Variants in COL26A1 observed in about 807,000 individuals in gnomAD.
The protein encoded by COL26A1 is collagen type XXVI alpha 1 chain, also known as collagen alpha-1(XXVI) chain.
Under a neutral mutation model 59.3 loss-of-function variants are expected in COL26A1, and 41 were observed. The ratio of observed to expected loss-of-function variants is 0.69; its 90% CI spans 0.54 to 0.90. The LOEUF (loss-of-function observed/expected upper bound fraction) is 0.90. COL26A1 is among the 40% of genes least tolerant of loss of function. COL26A1 has a pLI of 0.00. For synonymous variants in COL26A1, 266 were observed against 256.0 expected, an observed-to-expected ratio of 1.04 and a Z score of -0.37; for missense variants, 612 against 602.3, an observed-to-expected ratio of 1.02 and a Z score of -0.17.
At chr7:101,405,643 A>G (rs1484873219) in intron 1 of COL26A1, among the ~76,000 whole-genome samples, 2 of 152,104 alleles carry the variant, frequency 1.3e-5, no homozygotes, top group Non-Finnish European at 2.9e-5. Flanking sequence ...GTCCTCCCTC[A>G]CATGATCCTC....
intron 3 of COL26A1, among the ~76,000 whole-genome samples, chr7:101,467,316 G>A (rs1274143931): frequency 6.9e-6 from 1 of 144,664 alleles, no homozygotes; most frequent in Non-Finnish European, 1.6e-5. Flanking sequence ...AGATAGAGAG[G>A]GGCTGCCGAG....
intron 8 of COL26A1, among the ~76,000 whole-genome samples, chr7:101,547,953 C>T (rs1215758174): frequency 6.6e-6 from 1 of 152,194 alleles, no homozygotes; most frequent in African/African-American, 2.4e-5. Flanking sequence ...CAAACATCAT[C>T]GAGAAACTCT....
intron 1 of COL26A1, among the ~76,000 whole-genome samples, chr7:101,416,968 C>T (rs1171639831): frequency 6.6e-6 from 1 of 151,326 alleles, no homozygotes; most frequent in Non-Finnish European, 1.5e-5. Flanking sequence ...GTCTAAACTC[C>T]TGGGGTCAAG....
chr7:101,388,732 T>A (rs550233655), intron 1 of COL26A1: 2 of 152,144 alleles, frequency 1.3e-5, no homozygotes, highest in South Asian at 2.1e-4. Flanking sequence ...CCGGCTAAGT[T>A]TTTTTTTGTA....
At chr7:101,378,915 G>A (rs1192430207) in intron 1 of COL26A1, among the ~76,000 whole-genome samples, 1 of 151,996 alleles carries the variant, frequency 6.6e-6, no homozygotes, top group African/African-American at 2.4e-5. Context: ...GTTGCAGGAT[G>A]TCTGCGGCTG....
chr7:101,555,720 T>C lies in COL26A1; in HGVS notation c.1081-67T>C, dbSNP rs1256182091. On this transcript the variant is annotated intron_variant, in intron 11 of 12. Coordinates refer to ENST00000313669, the MANE Select transcript of COL26A1 (RefSeq NM_001278563.3). ...GCTTTGAGGACACATACACTGTCAC[T>C]GTATCAGGATGGCCCTGACCCCTTC... 1.0e-5 allele frequency: 12 copies of C among 1,199,084 alleles called. No individual in the cohort carries two copies. In the East Asian group the frequency reaches 2.8e-4, roughly 28 times the overall value. The allele number at this position is 1,199,084 out of a possible 1,614,324, so 74.3% of individuals were successfully genotyped here.
intron 3 of COL26A1, among the ~76,000 whole-genome samples, chr7:101,479,337 G>A (rs1013975229): frequency 9.2e-5 from 14 of 152,128 alleles, no homozygotes; most frequent in Admixed American, 8.5e-4. Flanking sequence ...GCCTCTTTCA[G>A]TTTTGTTTGT....
rs372718328 is a variant in COL26A1, at chr7:101,394,904, C to T, written c.159-25073C>T. 2.3e-4 allele frequency among the ~76,000 whole-genome samples: 30 copies of T among 128,960 alleles called. No individual in the cohort carries two copies. In the East Asian group the frequency reaches 6.6e-3, roughly 29 times the overall value. The allele number at this position is 128,960 out of a possible 152,430, so 84.6% of individuals were successfully genotyped here. A position where few individuals can be genotyped will look rare whatever the true frequency, so the allele number is the denominator to read the frequency against. On this transcript the variant is annotated intron_variant, in intron 1 of 12. Coordinates refer to ENST00000313669, the MANE Select transcript of COL26A1 (RefSeq NM_001278563.3). ...TTTTTTTTTTTTTGAGACAGAGTCT[C>T]GTGCTGTCACCTAGGCTAAGGTGCA...
intron 3 of COL26A1, among the ~76,000 whole-genome samples, chr7:101,494,680 T>G (rs1364894890): frequency 6.6e-6 from 1 of 152,152 alleles, no homozygotes; most frequent in Non-Finnish European, 1.5e-5. Context: ...TCATGCAGGT[T>G]TGGTGAATGG....
intron 12 of COL26A1, 48 bp from the exon 13 acceptor site, chr7:101,557,322 G>C (rs762193168): frequency 6.4e-7 from 1 of 1,560,400 alleles, no homozygotes. Context: ...GTACCCCCAA[G>C]TGTTCCTAAG....
chr7:101,501,178 T>C (rs1584466876), intron 3 of COL26A1, among the ~76,000 whole-genome samples: 1 of 99,158 alleles, frequency 1.0e-5, no homozygotes, highest in African/African-American at 4.5e-5. Context: ...AGGGCGAGAC[T>C]CCGTCTCAAA....
At chr7:101,541,290 A>C (rs1210907171) in intron 5 of COL26A1, among the ~76,000 whole-genome samples, 1 of 152,160 alleles carries the variant, frequency 6.6e-6, no homozygotes, top group Non-Finnish European at 1.5e-5. Flanking sequence ...CTCTGGCTGG[A>C]ATTGGAGGAC....
At chr7:101,464,958 C>T (rs912653534) in intron 3 of COL26A1, among the ~76,000 whole-genome samples, 1 of 151,782 alleles carries the variant, frequency 6.6e-6, no homozygotes, top group Non-Finnish European at 1.5e-5. Flanking sequence ...GTGATCCTCC[C>T]ACCTCAGCCT....
intron 3 of COL26A1, among the ~76,000 whole-genome samples, chr7:101,490,516 A>G (rs998982525): frequency 6.6e-6 from 1 of 151,912 alleles, no homozygotes; most frequent in Non-Finnish European, 1.5e-5. Flanking sequence ...AGCCTGACCA[A>G]CATGGTGAAA....
chr7:101,476,768 C>T (rs112843007), intron 3 of COL26A1, among the ~76,000 whole-genome samples: 13,453 of 150,400 alleles, frequency 0.089, 687 homozygotes, highest in Middle Eastern at 0.14. Flanking sequence ...AGGATGGTCT[C>T]GATCTCCTGA....
At chr7:101,449,547 T>C (rs1255102520) in intron 3 of COL26A1, among the ~76,000 whole-genome samples, 1 of 152,190 alleles carries the variant, frequency 6.6e-6, no homozygotes, top group African/African-American at 2.4e-5. Flanking sequence ...AGCCGGAGGA[T>C]CGCTTGAGCC....
At chr7:101,522,795 G>A (rs1185093011) in intron 3 of COL26A1, among the ~76,000 whole-genome samples, 1 of 150,280 alleles carries the variant, frequency 6.7e-6, no homozygotes, top group Non-Finnish European at 1.5e-5. Context: ...AGTTCCAGTT[G>A]CTCCGCATCC....
At chr7:101,370,862 C>T (rs534861860) in intron 1 of COL26A1, among the ~76,000 whole-genome samples, 29 of 152,338 alleles carry the variant, frequency 1.9e-4, no homozygotes, top group Middle Eastern at 3.4e-3. Flanking sequence ...TCTGGATTTA[C>T]CTCCCAGCTT....
intron 3 of COL26A1, among the ~76,000 whole-genome samples, chr7:101,516,275 T>TC (rs1441806242): frequency 6.6e-6 from 1 of 152,118 alleles, no homozygotes; most frequent in East Asian, 1.9e-4. Context: ...TTTTGTTTTG[T>TC]TTTTTTAGAG....
Sources: gnomAD v4.1 joint callset for allele counts (sites outside exome capture counted in the v4.1 genomes callset) on GRCh38, gnomAD v4.1.1 for gene constraint, MANE v1.5 for transcripts, NCBI Gene and HGNC (gene_info 2026-07-23, HGNC 2026-07-21) for gene names.